MCM5: variants seen among roughly 807,000 people sequenced by gnomAD.
MCM5 encodes the protein minichromosome maintenance complex component 5, also known as DNA replication licensing factor MCM5.
In MCM5, 46 loss-of-function variants were observed where a neutral mutation model predicts 79.9. The ratio of observed to expected loss-of-function variants is 0.58; its 90% CI spans 0.45 to 0.74. The LOEUF (loss-of-function observed/expected upper bound fraction) is 0.74. Among genes scored for constraint, MCM5 ranks in the 30% least tolerant of loss-of-function variants. The probability of loss-of-function intolerance (pLI) is 0.00; values close to 1 mark genes in which losing one functional copy is unlikely to be tolerated. For missense variants in MCM5, 883 were observed against 1,017.0 expected, an observed-to-expected ratio of 0.87 and a Z score of 1.79; for synonymous variants, 404 against 390.5, an observed-to-expected ratio of 1.03 and a Z score of -0.41.
chr22:35,418,709 ACT>A (rs1555904721), intron 13 of MCM5, among the ~76,000 whole-genome samples: 14 of 150,866 alleles, frequency 9.3e-5, no homozygotes, highest in African/African-American at 2.2e-4. Context: ...ACACACACAC[ACT>A]CACTCTTACA....
intron 4 of MCM5, among the ~76,000 whole-genome samples, chr22:35,405,371 ATC>A (rs1011564042): frequency 6.8e-6 from 1 of 147,104 alleles, no homozygotes; most frequent in Non-Finnish European, 1.5e-5. Context: ...TAAAAGATGA[ATC>A]TCTTTTTTTT....
At chr22:35,420,101 C>G in intron 14 of MCM5, 89 bp downstream of exon 14, 1 of 1,469,024 alleles carries the variant, frequency 6.8e-7, no homozygotes. Flanking sequence ...GTGGTCCAGG[C>G]TTTTCACTTG....
chr22:35,409,702 T>C (rs1932321174), intron 6 of MCM5: 1 of 152,206 alleles, frequency 6.6e-6, no homozygotes, highest in Non-Finnish European at 1.5e-5. Context: ...TATCCTGAAA[T>C]TGCATGCAGA....
the MCM5 span, among the ~76,000 whole-genome samples, chr22:35,433,743 T>G: frequency 6.6e-6 from 1 of 152,162 alleles, no homozygotes; most frequent in Non-Finnish European, 1.5e-5. Context: ...CTGGGCACAT[T>G]TGGTGCAACA....
the MCM5 span, among the ~76,000 whole-genome samples, chr22:35,436,383 A>G: frequency 1.3e-5 from 2 of 152,182 alleles, no homozygotes; most frequent in Non-Finnish European, 2.9e-5. Flanking sequence ...ACGCTGTTAC[A>G]TGTGACAGCA....
the MCM5 span, among the ~76,000 whole-genome samples, chr22:35,446,214 G>T: frequency 1.6e-4 from 25 of 152,222 alleles, no homozygotes; most frequent in African/African-American, 4.6e-4. Flanking sequence ...AGGAAGTAAC[G>T]TCTTGAGCAG....
chr22:35,407,305 C>G (rs1316557966), intron 5 of MCM5, among the ~76,000 whole-genome samples: 1 of 152,214 alleles, frequency 6.6e-6, no homozygotes, highest in East Asian at 1.9e-4. Flanking sequence ...GCACAGCTGC[C>G]TCATTCCATG....
chr22:35,408,546 G>T lies in MCM5; in HGVS notation c.735G>T (p.Met245Ile). Residue 245 changes from methionine to isoleucine, a missense_variant, in exon 6 of 17, where the codon ATG (methionine) becomes ATT (isoleucine). By Grantham distance (10) the Met-to-Ile change is conservative. This residue lies in a region of MCM5 where 455 missense variants were observed against 517.5 expected (regional missense o/e 0.88). Coordinates refer to ENST00000216122, the MANE Select transcript of MCM5 (RefSeq NM_006739.4). ...AVPHGEMPRHMQLYCDRYLCD... is the reference protein window; with the variant it reads ...AVPHGEMPRHIQLYCDRYLCD... ...CCCACGGGGAGATGCCCAGACACAT[G>T]CAGCTCTACTGCGACAGGTGAGGCA... The T allele has an allele frequency of 1.9e-6, 3 of 1,612,548 alleles. No individual in the cohort carries two copies. The highest frequency in any genetic ancestry group is 2.5e-6 in the Non-Finnish European group (3 of 1,178,708).
At chr22:35,414,252 G>A (rs192060530) in intron 9 of MCM5, among the ~76,000 whole-genome samples, 76 of 152,278 alleles carry the variant, frequency 5.0e-4, no homozygotes, top group Non-Finnish European at 7.8e-4. Flanking sequence ...TTGGCTGTGG[G>A]CTTTGAGTAA....
At chr22:35,410,627 G>A (rs748001366) in intron 6 of MCM5, 117 bp from the exon 7 acceptor site, 1 of 971,528 alleles carries the variant, frequency 1.0e-6, no homozygotes, top group Non-Finnish European at 1.7e-6. Context: ...AGCATGTGGT[G>A]CCTGTGGCAA....
Position 35,415,894 on chromosome 22 carries a change from G to T in MCM5, c.1269G>T (p.Ser423=). 6.2e-7 allele frequency: 1 copy of T among 1,614,142 alleles called. No homozygotes were observed. Among genetic ancestry groups the T allele is most frequent in the Non-Finnish European group, 8.5e-7 (1 of 1,180,038 alleles). Residue 423 remains serine, a synonymous_variant, in exon 10 of 17, where the codon TCG becomes TCT. Coordinates refer to ENST00000216122, the MANE Select transcript of MCM5 (RefSeq NM_006739.4). ...CAGCCTCGGTGATGAGGGACCCTTCGTCCCGGAATTTCATCATGGAGGGCG... is the reference window on the plus strand; with the variant it reads ...CAGCCTCGGTGATGAGGGACCCTTCTTCCCGGAATTTCATCATGGAGGGCG... ...GLTASVMRDP[S]SRNFIMEGGA...
At chr22:35,405,767 T>C (rs1182636503) in intron 4 of MCM5, among the ~76,000 whole-genome samples, 1 of 151,672 alleles carries the variant, frequency 6.6e-6, no homozygotes, top group East Asian at 2.0e-4. Context: ...CCCAGCATTT[T>C]GGGAGGCCGA....
the MCM5 span, among the ~76,000 whole-genome samples, chr22:35,432,717 G>C: frequency 1.3e-5 from 2 of 151,982 alleles, no homozygotes; most frequent in African/African-American, 2.4e-5. Flanking sequence ...GTGTGTGTGC[G>C]GGGGGGTGGT....
chr22:35,410,676 G>A (rs750753278), intron 6 of MCM5, 68 bp from the exon 7 acceptor site: 8 of 1,483,000 alleles, frequency 5.4e-6, no homozygotes, highest in Non-Finnish European at 7.5e-6. Flanking sequence ...GGGCATGGGT[G>A]GAATCAGAGA....
intron 7 of MCM5, chr22:35,411,246 T>G (rs552991572): frequency 2.6e-5 from 5 of 189,918 alleles, no homozygotes; most frequent in Non-Finnish European, 5.5e-5. Flanking sequence ...AGCCGCCTAG[T>G]GTCTAGTTGG....
chr22:35,416,571 G>C (rs2145796417), intron 11 of MCM5, 67 bp from the exon 12 acceptor site: 1 of 959,470 alleles, frequency 1.0e-6, no homozygotes, highest in Admixed American at 1.9e-5. Context: ...GTGTGTGTGT[G>C]TAAACGTGTA....
intron 5 of MCM5, among the ~76,000 whole-genome samples, chr22:35,407,569 A>C (rs1475745159): frequency 6.6e-6 from 1 of 151,390 alleles, no homozygotes; most frequent in Non-Finnish European, 1.5e-5. Context: ...TACACTGACT[A>C]CCCCCAGTCT....
the MCM5 span, among the ~76,000 whole-genome samples, chr22:35,436,164 CAAAAAA>C: frequency 7.4e-4 from 45 of 61,074 alleles, no homozygotes; most frequent in African/African-American, 1.9e-3. Flanking sequence ...AACTCAGTCT[CAAAAAA>C]AAAAAAAAAA....
At chr22:35,405,142 C>T (rs1373916742) in intron 4 of MCM5, among the ~76,000 whole-genome samples, 2 of 150,868 alleles carry the variant, frequency 1.3e-5, no homozygotes, top group African/African-American at 2.4e-5. Flanking sequence ...TCTCCTGCCT[C>T]AGCCCCCCAA....
Sources: gnomAD v4.1 joint callset for allele counts (sites outside exome capture counted in the v4.1 genomes callset) on GRCh38, gnomAD v4.1.1 for gene constraint, gnomAD v4.1.1 regional missense constraint, MANE v1.5 for transcripts, NCBI Gene and HGNC (gene_info 2026-07-23, HGNC 2026-07-21) for gene names.